Variants in BUB1B observed in about 807,000 individuals in gnomAD.
The protein encoded by BUB1B is BUB1 mitotic checkpoint serine/threonine kinase B.
BUB1B carries 86 observed loss-of-function variants against 137.7 expected under a neutral mutation model. That is an observed-to-expected ratio of 0.62 (90% CI 0.52 to 0.75). The LOEUF is 0.75. Among genes scored for constraint, BUB1B ranks in the 30% least tolerant of loss-of-function variants. The pLI is 0.00. For missense variants in BUB1B, 1,130 were observed against 1,236.9 expected (o/e 0.91, Z 1.30); for synonymous variants, 420 against 417.9 (o/e 1.00, Z -0.06).
intron 4 of BUB1B, among the ~76,000 whole-genome samples, chr15:40,174,528 A>C (rs1218724920): frequency 6.6e-6 from 1 of 152,214 alleles, no homozygotes; most frequent in South Asian, 2.1e-4. Flanking sequence ...TGTAACAGAG[A>C]GAAAATTACG....
intron 15 of BUB1B, among the ~76,000 whole-genome samples, chr15:40,208,179 T>C (rs2037661124): frequency 6.6e-6 from 1 of 151,396 alleles, no homozygotes; most frequent in Non-Finnish European, 1.5e-5. Flanking sequence ...GATAACAAAT[T>C]ATAAATTATT....
intron 5 of BUB1B, among the ~76,000 whole-genome samples, chr15:40,180,829 T>C (rs2037283621): frequency 6.6e-6 from 1 of 150,956 alleles, no homozygotes; most frequent in South Asian, 2.1e-4. Flanking sequence ...TTTGTATTTT[T>C]AGTAGAGATG....
chr15:40,202,872 A>G lies in BUB1B; in HGVS notation c.1734+178A>G, dbSNP rs546991059. Among the ~76,000 whole-genome samples the G allele has an allele frequency of 2.8e-4, 42 of 152,378 alleles. 1 individual carries two copies. The South Asian group carries it at 6.4e-3, about 23-fold the overall frequency. ...AAACCACAGTGAGATACTACTTTATATCCTCTAGGATAGCTATAATAAAAA... is the reference window on the plus strand; with the variant it reads ...AAACCACAGTGAGATACTACTTTATGTCCTCTAGGATAGCTATAATAAAAA... On this transcript the variant is annotated intron_variant, in intron 14 of 22. Coordinates refer to ENST00000287598, the MANE Select transcript of BUB1B (RefSeq NM_001211.6).
intron 8 of BUB1B, among the ~76,000 whole-genome samples, chr15:40,189,521 C>T (rs534101186): frequency 5.3e-5 from 8 of 152,326 alleles, no homozygotes; most frequent in Admixed American, 3.3e-4. Context: ...GGTTCATCCA[C>T]GTTGTGACAT....
At chr15:40,180,497 CT>C (rs1187550894) in intron 5 of BUB1B, among the ~76,000 whole-genome samples, 1 of 151,880 alleles carries the variant, frequency 6.6e-6, no homozygotes, top group Non-Finnish European at 1.5e-5. Context: ...AACTCCTGAC[CT>C]CAAATGGTCT....
intron 22 of BUB1B, among the ~76,000 whole-genome samples, chr15:40,218,915 AT>A (rs1425802605): frequency 4.6e-5 from 7 of 151,978 alleles, no homozygotes; most frequent in Non-Finnish European, 8.8e-5. Context: ...CTTTTTCTTT[AT>A]TTATTTATTT....
At chr15:40,206,563 G>C (rs2037640012) in intron 15 of BUB1B, 105 bp downstream of exon 15, 1 of 1,420,702 alleles carries the variant, frequency 7.0e-7, no homozygotes, top group African/African-American at 1.4e-5. Context: ...CTAACTGCCA[G>C]GTACTGTGCT....
intron 15 of BUB1B, 143 bp downstream of exon 15, chr15:40,206,601 C>T: frequency 2.0e-6 from 2 of 1,008,918 alleles, no homozygotes; most frequent in South Asian, 2.9e-5. Context: ...GTAGGGCTGC[C>T]CCAGATGAAG....
chr15:40,176,398 T>C (rs1363506117), intron 4 of BUB1B, 79 bp from the exon 5 acceptor site: 1 of 1,206,744 alleles, frequency 8.3e-7, no homozygotes, highest in Non-Finnish European at 1.2e-6. Flanking sequence ...GCATGTAGTA[T>C]CTCCAGTGAT....
rs201445637 is a variant in BUB1B, at chr15:40,165,047, T to C, written c.36-6T>C. 1 of 1,614,162 alleles carries C rather than the reference T, an allele frequency of 6.2e-7. No homozygotes were observed. The highest frequency in any genetic ancestry group is 2.2e-5 in the East Asian group (1 of 44,880). The stretch of plus-strand genomic sequence containing the variant: ...ATGAGATTTACATTTGTTTCCTTCT[T>C]CACAGTGAAGCCATGTCCCTGGAGG... On this transcript the variant is annotated splice_region_variant and splice_polypyrimidine_tract_variant and intron_variant, in intron 1 of 22. Coordinates refer to ENST00000287598, the MANE Select transcript of BUB1B (RefSeq NM_001211.6).
intron 20 of BUB1B, among the ~76,000 whole-genome samples, chr15:40,215,429 A>G (rs1483947003): frequency 1.3e-5 from 2 of 151,858 alleles, no homozygotes; most frequent in Non-Finnish European, 2.9e-5. Flanking sequence ...CTGAGATCGC[A>G]CCATTGTACT....
intron 8 of BUB1B, among the ~76,000 whole-genome samples, chr15:40,189,422 A>G (rs143755107): frequency 6.6e-6 from 1 of 152,264 alleles, no homozygotes; most frequent in Non-Finnish European, 1.5e-5. Flanking sequence ...GGCTTCCCAG[A>G]CCGCTGGGAT....
At position 40,200,912 on chromosome 15, in the gene BUB1B, A is replaced by C; in HGVS notation, c.1518-19A>C. 1 of 1,612,336 alleles carries C rather than the reference A, an allele frequency of 6.2e-7. No individual in the cohort carries two copies. The highest frequency in any genetic ancestry group is 8.5e-7 in the Non-Finnish European group (1 of 1,178,642). On this transcript the variant is annotated intron_variant, in intron 11 of 22. Transcript: ENST00000287598. The stretch of plus-strand genomic sequence containing the variant: ...TCTGTGGGTATTGAGCACATGATTT[A>C]AAACAAGTTTCTTTACAGAGAAACT...
rs1051019827 is a variant in BUB1B at position 40,185,255 on chromosome 15, A to C, written c.842A>C (p.Glu281Ala). Residue 281 changes from glutamate to alanine, a missense_variant, in exon 7 of 23, where the codon GAG becomes GCG. Transcript: ENST00000287598. Reference sequence around the variant, plus strand: ...ACTGTTTTTGATGAAAATGCTGATGAGGCTTCTACAGCAGAGTTGTCTAAG... The same window carrying C: ...ACTGTTTTTGATGAAAATGCTGATGCGGCTTCTACAGCAGAGTTGTCTAAG... ...RITVFDENAD[E>A]ASTAELSKPT... The C allele has an allele frequency of 2.5e-6, 4 of 1,614,044 alleles. No homozygotes were observed. The African/African-American group carries it at 5.3e-5, about 22-fold the overall frequency.
intron 8 of BUB1B, among the ~76,000 whole-genome samples, chr15:40,189,305 A>T (rs1361470091): frequency 6.6e-6 from 1 of 152,150 alleles, no homozygotes; most frequent in Non-Finnish European, 1.5e-5. Context: ...GACTACAGGC[A>T]TGTGCCACCA....
intron 5 of BUB1B, among the ~76,000 whole-genome samples, chr15:40,177,492 T>C (rs1595515018): frequency 6.6e-6 from 1 of 152,146 alleles, no homozygotes; most frequent in Admixed American, 6.5e-5. Flanking sequence ...CCTTTCTCCA[T>C]TGAATTGCCT....
intron 14 of BUB1B, among the ~76,000 whole-genome samples, chr15:40,203,911 G>T (rs1055994194): frequency 6.6e-6 from 1 of 152,194 alleles, no homozygotes; most frequent in East Asian, 1.9e-4. Flanking sequence ...GACTTTTAAG[G>T]GGTGATGTGA....
chr15:40,178,379 A>G (rs1280069514), intron 5 of BUB1B, among the ~76,000 whole-genome samples: 7 of 152,052 alleles, frequency 4.6e-5, no homozygotes, highest in Admixed American at 3.3e-4. Flanking sequence ...GATTTTTCAG[A>G]TATCTCTGTT....
chr15:40,170,036 G>C, intron 2 of BUB1B, 26 bp from the exon 3 acceptor site: 1 of 1,591,520 alleles, frequency 6.3e-7, no homozygotes, highest in Non-Finnish European at 8.6e-7. Context: ...TATTGCATAT[G>C]CTAACTTTTT....
Sources: gnomAD v4.1 joint callset for allele counts (sites outside exome capture counted in the v4.1 genomes callset) on GRCh38, gnomAD v4.1.1 for gene constraint, MANE v1.5 for transcripts, NCBI Gene and HGNC (gene_info 2026-07-23, HGNC 2026-07-21) for gene names.